Variants in TNFSF8 observed in about 807,000 individuals in gnomAD.
The protein encoded by TNFSF8 is TNF superfamily member 8.
TNFSF8 carries 4 observed loss-of-function variants against 22.0 expected under a neutral mutation model. The ratio of observed to expected loss-of-function variants is 0.18; its 90% CI spans 0.09 to 0.42. TNFSF8 has a LOEUF of 0.42. Ranked by LOEUF, TNFSF8 falls within the 10% of genes least tolerant of loss-of-function variation. The pLI, the probability that TNFSF8 is intolerant of heterozygous loss-of-function variation, is 1.00. For synonymous variants in TNFSF8, 106 were observed against 112.5 expected, an observed-to-expected ratio of 0.94 and a Z score of 0.37; for missense variants, 233 against 281.8, an observed-to-expected ratio of 0.83 and a Z score of 1.24.
At chr9:114,916,298 T>C (rs925822676) in intron 2 of TNFSF8, among the ~76,000 whole-genome samples, 3 of 152,172 alleles carry the variant, frequency 2.0e-5, no homozygotes, top group African/African-American at 4.8e-5. Context: ...GTACTTCACT[T>C]TGGACTGATG....
rs149860803 is a variant in TNFSF8, at chr9:114,909,992, A to C, written c.239-4093T>G. Among the ~76,000 whole-genome samples, 1,119 of 152,256 alleles carry C rather than the reference A, an allele frequency of 7.3e-3. 15 individuals are homozygous for C. The highest frequency in any genetic ancestry group is 0.026 in the African/African-American group (1,062 of 41,548). ...GTCATCCAGAGAGTTAGTGAGAGAGACAGGACCAGAGACCAGGGCTCCTTA... is the reference window on the plus strand; with the variant it reads ...GTCATCCAGAGAGTTAGTGAGAGAGCCAGGACCAGAGACCAGGGCTCCTTA... On this transcript the variant is annotated intron_variant, in intron 2 of 3. Coordinates refer to ENST00000223795, the MANE Select transcript of TNFSF8 (RefSeq NM_001244.4).
exon 5 of TNFSF8, chr9:114,893,680 GA>G: frequency 5.8e-6 from 1 of 173,182 alleles, no homozygotes; most frequent in Non-Finnish European, 1.3e-5. Flanking sequence ...CTAAACATTG[GA>G]AAAGGTACCA....
chr9:114,905,546 C>A (rs565076201), intron 3 of TNFSF8, among the ~76,000 whole-genome samples: 7 of 152,160 alleles, frequency 4.6e-5, no homozygotes, highest in South Asian at 4.1e-4. Flanking sequence ...CTGGTGGTGG[C>A]AGTGGTGGTG....
downstream of TNFSF8, chr9:114,901,139 C>T (rs575142676): frequency 1.5e-5 from 15 of 985,228 alleles, no homozygotes; most frequent in African/African-American, 1.9e-4. Flanking sequence ...TTTTAGGTAG[C>T]CTGAGTTCCC....
rs373154083 is a variant in TNFSF8, at chr9:114,904,087, C to T, written c.549G>A (p.Thr183=). 54 of 1,614,102 alleles carry T rather than the reference C, an allele frequency of 3.3e-5. No homozygotes were observed. The highest frequency in any genetic ancestry group is 1.8e-4 in the South Asian group (16 of 91,086). ...GAGAGAGATTCTGGTATACGTGTTT[C>T]GTTTGCATTCCAGACTCACACACTG... ...LVTVCESGMQ[T]KHVYQNLSQF... is the part of the protein sequence containing the mutation. Residue 183 remains threonine (T), a synonymous_variant, in exon 4 of 4, where the codon ACG becomes ACA. Transcript: ENST00000223795.
chr9:114,928,040 A>C (rs1828085219), intron 1 of TNFSF8, among the ~76,000 whole-genome samples: 1 of 152,136 alleles, frequency 6.6e-6, no homozygotes, highest in Admixed American at 6.6e-5. Context: ...TGTGCAATGC[A>C]TTTGACACTT....
intron 2 of TNFSF8, among the ~76,000 whole-genome samples, chr9:114,908,106 C>G (rs1448371214): frequency 6.6e-6 from 1 of 152,234 alleles, no homozygotes; most frequent in African/African-American, 2.4e-5. Context: ...TGAAACACAG[C>G]CTAGCAGTCA....
intron 2 of TNFSF8, 117 bp downstream of exon 2, chr9:114,917,979 C>A: frequency 9.8e-7 from 1 of 1,021,056 alleles, no homozygotes; most frequent in Non-Finnish European, 1.4e-6. Flanking sequence ...CCACCCCTAC[C>A]CACTTTACTG....
At chr9:114,893,820 T>C (rs1248750790) in exon 5 of TNFSF8, 1 of 438,296 alleles carries the variant, frequency 2.3e-6, no homozygotes, top group East Asian at 4.1e-5. Context: ...AAGTGATTAA[T>C]TCTGGGAAGG....
chr9:114,925,025 C>T (rs999008759), intron 1 of TNFSF8, among the ~76,000 whole-genome samples: 5 of 152,056 alleles, frequency 3.3e-5, no homozygotes, highest in East Asian at 1.9e-4. Flanking sequence ...CTTCTTGTGC[C>T]GAACTCCTAT....
In TNFSF8 at chr9:114,903,982, G is replaced by T. The variant is rs777361430; in HGVS notation, c.654C>A (p.Thr218=). 1.9e-6 allele frequency: 3 copies of T among 1,613,968 alleles called. No homozygotes were observed. The South Asian group carries it at 3.3e-5, about 18-fold the overall frequency. ...TGGACAACACATTCTCAAGAGGAAAGGTGCTTGTATCTATGTACTGGAATG... is the reference window on the plus strand; with the variant it reads ...TGGACAACACATTCTCAAGAGGAAATGTGCTTGTATCTATGTACTGGAATG... ...VDTFQYIDTS[T]FPLENVLSIF... Residue 218 remains threonine (T), a synonymous_variant, in exon 4 of 4, where the codon ACC becomes ACA. Coordinates refer to ENST00000223795, the MANE Select transcript of TNFSF8 (RefSeq NM_001244.4).
In TNFSF8 at chr9:114,930,353, C is replaced by T; in HGVS notation, c.-50G>A. 7.4e-7 allele frequency: 1 copy of T among 1,343,538 alleles called. No homozygotes were observed. The allele number at this position is 1,343,538 out of a possible 1,614,324, so 83.2% of individuals were successfully genotyped here. A position where few individuals can be genotyped will look rare whatever the true frequency, so the allele number is the denominator to read the frequency against. ...ACACCTTATCTCTCTTCATCTGATT[C>T]AGTTCTGGGCCCATCTCTGTTCCAA... On this transcript the variant is annotated 5_prime_UTR_variant, in exon 1 of 4. An upstream open reading frame in the 5' UTR loses its in-frame stop. Coordinates refer to ENST00000223795, the MANE Select transcript of TNFSF8 (RefSeq NM_001244.4).
chr9:114,899,320 A>G (rs113217429), downstream of TNFSF8, among the ~76,000 whole-genome samples: 3 of 150,386 alleles, frequency 2.0e-5, no homozygotes, highest in African/African-American at 7.4e-5. Context: ...CATAAAATCA[A>G]TTCAGGTCTT....
intron 1 of TNFSF8, among the ~76,000 whole-genome samples, chr9:114,929,880 T>C (rs1393790313): frequency 1.4e-5 from 2 of 147,370 alleles, no homozygotes; most frequent in Non-Finnish European, 3.0e-5. Flanking sequence ...TTCTCATATA[T>C]ATATATATAT....
chr9:114,907,701 T>C (rs1307013194), intron 2 of TNFSF8, among the ~76,000 whole-genome samples: 2 of 152,192 alleles, frequency 1.3e-5, no homozygotes, highest in African/African-American at 4.8e-5. Flanking sequence ...GGAACAGTGA[T>C]AATAATATGA....
chr9:114,913,747 G>C (rs1467904114), intron 2 of TNFSF8, among the ~76,000 whole-genome samples: 1 of 152,174 alleles, frequency 6.6e-6, no homozygotes, highest in Non-Finnish European at 1.5e-5. Context: ...AAGCCTGTCT[G>C]TGCTCCAGTT....
At chr9:114,926,806 G>A (rs1025821532) in intron 1 of TNFSF8, among the ~76,000 whole-genome samples, 11 of 151,952 alleles carry the variant, frequency 7.2e-5, no homozygotes, top group African/African-American at 9.7e-5. Flanking sequence ...GGTTATCTCC[G>A]TGAAGAGGGA....
Position 114,903,567 on chromosome 9 carries a change from G to T in TNFSF8, c.*364C>A. ...CTTCATTTCCCATTAGGGCAGAGTT[G>T]CTAGCTGCTCTGGTACTGGAGCCCC... On this transcript the variant is annotated 3_prime_UTR_variant, in exon 4 of 4. Transcript: ENST00000223795. 1 of 353,434 alleles carries T rather than the reference G, an allele frequency of 2.8e-6. No individual in the cohort carries two copies. The highest frequency in any genetic ancestry group is 4.0e-6 in the Non-Finnish European group (1 of 247,590). The allele number at this position is 353,434 out of a possible 1,614,324, so 21.9% of individuals were successfully genotyped here.
chr9:114,893,989 C>T lies in TNFSF8; in HGVS notation c.*90G>A, dbSNP rs554252141. Reference sequence around the variant, plus strand: ...CTATGTCGGTTTAGGCCCAGAGTGACTGGTACCATCAAGTTCATGACTTTC... The same window carrying T: ...CTATGTCGGTTTAGGCCCAGAGTGATTGGTACCATCAAGTTCATGACTTTC... On this transcript the variant is annotated 3_prime_UTR_variant, in exon 5 of 5. Coordinates refer to the TNFSF8 transcript ENST00000618336. 2.8e-6 allele frequency: 3 copies of T among 1,084,174 alleles called. No individual in the cohort carries two copies. In the Admixed American group the frequency reaches 6.0e-5, roughly 22 times the overall value. The allele number at this position is 1,084,174 out of a possible 1,614,324, so 67.2% of individuals were successfully genotyped here.
Sources: allele counts gnomAD v4.1 joint callset (sites outside exome capture counted in the v4.1 genomes callset), GRCh38; gene constraint gnomAD v4.1.1; transcripts MANE v1.5; gene names NCBI Gene and HGNC (gene_info 2026-07-23, HGNC 2026-07-21).